The following AFF2 variants were observed in gnomAD, a reference collection of about 807,000 sequenced individuals.
AFF2 encodes ALF transcription elongation factor 2, also known as AF4/FMR2 family member 2.
In AFF2, 14 loss-of-function variants were observed where a neutral mutation model predicts 76.9. That is an observed-to-expected ratio of 0.18 (90% CI 0.12 to 0.28). The LOEUF (loss-of-function observed/expected upper bound fraction) is 0.28. Among genes scored for constraint, AFF2 ranks in the 10% least tolerant of loss-of-function variants. The pLI, the probability that AFF2 is intolerant of heterozygous loss-of-function variation, is 1.00. For synonymous variants in AFF2, 398 were observed against 366.7 expected, an observed-to-expected ratio of 1.09 and a Z score of -0.98; for missense variants, 868 against 1,001.1, an observed-to-expected ratio of 0.87 and a Z score of 1.79.
chrX:148,591,117 C>T (rs1557246579), intron 1 of AFF2, among the ~76,000 whole-genome samples: 1 of 112,021 alleles, frequency 8.9e-6, no homozygotes, highest in African/African-American at 3.2e-5. Context: ...ATTTTTCTTC[C>T]TCTTGAACTC....
chrX:148,570,120 G>T (rs1193487152), intron 1 of AFF2, among the ~76,000 whole-genome samples: 1 of 111,543 alleles, frequency 9.0e-6, no homozygotes, highest in Non-Finnish European at 1.9e-5. Context: ...TGTTTATTTT[G>T]GTCTGTAATC....
At chrX:148,818,801 T>C (rs2070295336) in intron 4 of AFF2, among the ~76,000 whole-genome samples, 1 of 110,872 alleles carries the variant, frequency 9.0e-6, no homozygotes, top group South Asian at 3.8e-4. Context: ...ATTATATTTA[T>C]ACAGGTTTCA....
chrX:148,714,933 G>A (rs905099475), intron 3 of AFF2, among the ~76,000 whole-genome samples: 23 of 111,720 alleles, frequency 2.1e-4, no homozygotes, highest in Admixed American at 1.1e-3. Flanking sequence ...CTATTGAGTA[G>A]TTTAGTCTTG....
At chrX:148,772,229 C>T (rs1161174078) in intron 3 of AFF2, among the ~76,000 whole-genome samples, 1 of 112,035 alleles carries the variant, frequency 8.9e-6, no homozygotes, top group Non-Finnish European at 1.9e-5. Flanking sequence ...CCAAATCACT[C>T]GTTTTGTTTC....
At chrX:148,913,567 A>G (rs2071494355) in intron 9 of AFF2, among the ~76,000 whole-genome samples, 1 of 112,352 alleles carries the variant, frequency 8.9e-6, no homozygotes, top group South Asian at 3.8e-4. Flanking sequence ...CCTAATAACC[A>G]TAGGGATAAA....
chrX:148,885,656 AT>A (rs2071149838), intron 7 of AFF2, among the ~76,000 whole-genome samples: 1 of 111,399 alleles, frequency 9.0e-6, no homozygotes, highest in Non-Finnish European at 1.9e-5. Flanking sequence ...CTGAAATAGT[AT>A]TTTCCCCTTG....
intron 1 of AFF2, among the ~76,000 whole-genome samples, chrX:148,611,636 C>T (rs1206072152): frequency 9.0e-6 from 1 of 111,171 alleles, no homozygotes; most frequent in African/African-American, 3.3e-5. Context: ...ATCACTGTGC[C>T]CTGAGTGGGC....
intron 1 of AFF2, among the ~76,000 whole-genome samples, chrX:148,647,502 C>A (rs982851676): frequency 9.0e-6 from 1 of 111,394 alleles, no homozygotes; most frequent in Admixed American, 9.6e-5. Context: ...TTTTATAATC[C>A]CTTTAGGGTC....
intron 7 of AFF2, among the ~76,000 whole-genome samples, chrX:148,868,660 G>A (rs2070936243): frequency 1.8e-5 from 2 of 112,284 alleles, no homozygotes; most frequent in Admixed American, 1.9e-4. Context: ...ACCTAAGACT[G>A]GGTAGTTTAT....
intron 7 of AFF2, among the ~76,000 whole-genome samples, chrX:148,848,812 A>G (rs1271666962): frequency 8.9e-6 from 1 of 112,117 alleles, no homozygotes; most frequent in Non-Finnish European, 1.9e-5. Context: ...ATCAAGAAGT[A>G]TACCAACTCT....
intron 3 of AFF2, among the ~76,000 whole-genome samples, chrX:148,742,724 G>A (rs958064261): frequency 3.6e-5 from 4 of 111,738 alleles, no homozygotes; most frequent in African/African-American, 6.5e-5. Flanking sequence ...TGTGAGATGA[G>A]TATTATTTTC....
chrX:148,719,367 T>G (rs1471793610), intron 3 of AFF2: 1 of 425,489 alleles, frequency 2.4e-6, no homozygotes, highest in Non-Finnish European at 4.0e-6. Context: ...AAGCACTGAT[T>G]TAAATACAGT....
In AFF2 at chrX:148,993,559, C is replaced by T. The variant is rs1273039207; in HGVS notation, c.*2227C>T. 1.8e-5 allele frequency: 2 copies of T among 112,118 alleles called. No individual in the cohort carries two copies. The highest frequency in any genetic ancestry group is 3.8e-5 in the Non-Finnish European group (2 of 53,279). The allele number at this position is 112,118 out of a possible 1,213,427, so 9.2% of individuals were successfully genotyped here. A position where few individuals can be genotyped will look rare whatever the true frequency, so the allele number is the denominator to read the frequency against. ...TAGATTCTTCTTGAAATCCCACATC[C>T]AGAAACTAGACATTAGAATGTTGAG... On this transcript the variant is annotated 3_prime_UTR_variant, in exon 21 of 21. Coordinates refer to ENST00000370460, the MANE Select transcript of AFF2 (RefSeq NM_002025.4).
rs782789800 is a variant in AFF2, at chrX:148,812,164, G to A, written c.1086+2244G>A. 6.3e-5 allele frequency among the ~76,000 whole-genome samples: 7 copies of A among 111,643 alleles called. No individual in the cohort carries two copies. The South Asian group carries it at 2.6e-3, about 42-fold the overall frequency. On this transcript the variant is annotated intron_variant, in intron 4 of 20. Transcript: ENST00000370460. ...TGTCACAATAGAGCATGCTTGTTGG[G>A]CTTTTTGTCTTAATTACACATTCAT...
chrX:148,879,343 G>C lies in AFF2; in HGVS notation c.1263-6546G>C, dbSNP rs17325326. Among the ~76,000 whole-genome samples, 2,469 of 111,529 alleles carry C rather than the reference G, an allele frequency of 0.022. 211 individuals are homozygous for C. The East Asian group carries it at 0.4, about 18-fold the overall frequency. On this transcript the variant is annotated intron_variant, in intron 7 of 20. Coordinates refer to ENST00000370460, the MANE Select transcript of AFF2 (RefSeq NM_002025.4). ...TATTAAATCCTATGCAATATCCATG[G>C]AGCCACAACCATCTCCATAAAATGA...
Position 148,742,724 on chromosome X carries a change from G to C in AFF2, c.1042-67152G>C, listed in dbSNP as rs958064261. Among the ~76,000 whole-genome samples, 4 of 111,794 alleles carry C rather than the reference G, an allele frequency of 3.6e-5. No homozygotes were observed. In the East Asian group the frequency reaches 1.1e-3, roughly 32 times the overall value. The stretch of plus-strand genomic sequence containing the variant: ...ATTTGCTGTAAAAAATGTGAGATGA[G>C]TATTATTTTCCCGCAGGAATAGGAT... On this transcript the variant is annotated intron_variant, in intron 3 of 20. Transcript: ENST00000370460.
At chrX:148,641,662 C>T (rs782720922) in intron 1 of AFF2, among the ~76,000 whole-genome samples, 9 of 111,227 alleles carry the variant, frequency 8.1e-5, no homozygotes, top group East Asian at 5.7e-4. Flanking sequence ...TTCCTTGTGA[C>T]GAGTATTAGG....
Position 148,962,826 on chromosome X carries a change from T to G in AFF2, c.2802T>G (p.Asn934Lys). 1 of 1,209,674 alleles carries G rather than the reference T, an allele frequency of 8.3e-7. No individual in the cohort carries two copies. Among genetic ancestry groups the G allele is most frequent in the Non-Finnish European group, 1.1e-6 (1 of 893,543 alleles). ...PPRRRNVSGN[N>K]GPFGQDKNIA... ...GCCGCAGAAATGTCAGTGGCAATAA[T>G]GGTCCCTTTGGTCAAGACAAAAACA... Residue 934 changes from asparagine (N) to lysine (K), a missense_variant, in exon 13 of 21, where the codon AAT becomes AAG. Asn to Lys is a moderately conservative substitution (Grantham distance 94, BLOSUM62 0). Coordinates refer to ENST00000370460, the MANE Select transcript of AFF2 (RefSeq NM_002025.4).
At chrX:148,590,174 A>T (rs1407446120) in intron 1 of AFF2, among the ~76,000 whole-genome samples, 2 of 108,347 alleles carry the variant, frequency 1.8e-5, no homozygotes, top group Non-Finnish European at 3.8e-5. Flanking sequence ...GGCAGTGTGA[A>T]CACAGAGCAA....
Sources: allele counts gnomAD v4.1 joint callset (sites outside exome capture counted in the v4.1 genomes callset), GRCh38; gene constraint gnomAD v4.1.1; transcripts MANE v1.5; gene names NCBI Gene and HGNC (gene_info 2026-07-23, HGNC 2026-07-21).